TMED5: variants seen among roughly 807,000 people sequenced by gnomAD.
The protein encoded by TMED5 is transmembrane p24 trafficking protein 5.
In TMED5, 27 loss-of-function variants were observed where a neutral mutation model predicts 23.0. That is an observed-to-expected ratio of 1.17 (90% CI 0.86 to 1.62). TMED5 has a LOEUF of 1.62. Among genes scored for constraint, TMED5 ranks in the 40% most tolerant of loss-of-function variants. The pLI is 0.00. For missense variants in TMED5, 248 were observed against 273.7 expected, an observed-to-expected ratio of 0.91 and a Z score of 0.66; for synonymous variants, 97 against 100.8, an observed-to-expected ratio of 0.96 and a Z score of 0.23.
At chr1:93,175,462 A>G (rs1648881903) in intron 1 of TMED5, among the ~76,000 whole-genome samples, 1 of 149,572 alleles carries the variant, frequency 6.7e-6, no homozygotes, top group Admixed American at 6.7e-5. Flanking sequence ...TATAATAGAT[A>G]TGTGTGTGTA....
At chr1:93,178,243 A>G (rs967511091) in intron 1 of TMED5, among the ~76,000 whole-genome samples, 13 of 152,114 alleles carry the variant, frequency 8.5e-5, no homozygotes, top group South Asian at 4.1e-4. Flanking sequence ...CCTAGACTTT[A>G]TATGTCTTAA....
intron 2 of TMED5, among the ~76,000 whole-genome samples, chr1:93,158,445 A>G (rs1648150612): frequency 6.6e-6 from 1 of 152,246 alleles, no homozygotes; most frequent in African/African-American, 2.4e-5. Context: ...AGGAAGCAGT[A>G]AGATACTTAT....
intron 2 of TMED5, among the ~76,000 whole-genome samples, chr1:93,159,662 C>T (rs567743867): frequency 1.5e-5 from 2 of 133,862 alleles, no homozygotes; most frequent in African/African-American, 2.7e-5. Context: ...TTACCTAAAA[C>T]GAATGAGGTC....
At chr1:93,166,921 T>C (rs1648528381) in intron 1 of TMED5, among the ~76,000 whole-genome samples, 2 of 152,218 alleles carry the variant, frequency 1.3e-5, no homozygotes, top group Admixed American at 6.5e-5. Context: ...CTTTAATCCA[T>C]TTTAATTTGA....
rs978088239 is a variant in TMED5, at chr1:93,150,507, T to C, written c.*4163A>G. On this transcript the variant is annotated 3_prime_UTR_variant, in exon 4 of 4. Transcript: ENST00000370282. ...AGTTATATGTTAAATGTATGTTTAG[T>C]TTTATAAGAAACTGCCAAGAATATT... The C allele has an allele frequency of 2.0e-5, 3 of 152,228 alleles. No homozygotes were observed. The highest frequency in any genetic ancestry group is 7.2e-5 in the African/African-American group (3 of 41,456). The allele number at this position is 152,228 out of a possible 1,614,324, so 9.4% of individuals were successfully genotyped here. A position where few individuals can be genotyped will look rare whatever the true frequency, so the allele number is the denominator to read the frequency against.
In TMED5 at chr1:93,154,418, C is replaced by A; in HGVS notation, c.*252G>T. 2.3e-6 allele frequency: 1 copy of A among 440,512 alleles called. No individual in the cohort carries two copies. The highest frequency in any genetic ancestry group is 3.7e-5 in the South Asian group (1 of 26,922). The allele number at this position is 440,512 out of a possible 1,614,324, so 27.3% of individuals were successfully genotyped here. A position where few individuals can be genotyped will look rare whatever the true frequency, so the allele number is the denominator to read the frequency against. ...AAAATTTTTCAAAGTTAGGAAAATGCAGTTATTAATATGGCTTCATTCAGT... is the reference window on the plus strand; with the variant it reads ...AAAATTTTTCAAAGTTAGGAAAATGAAGTTATTAATATGGCTTCATTCAGT... On this transcript the variant is annotated 3_prime_UTR_variant, in exon 4 of 4. Transcript: ENST00000370282.
At chr1:93,161,711 T>TG (rs766119874) in intron 1 of TMED5, 7 of 152,214 alleles carry the variant, frequency 4.6e-5, no homozygotes, top group Non-Finnish European at 8.8e-5. Context: ...TTGGCACTTA[T>TG]GAGACGTTCT....
At chr1:93,168,279 A>G (rs956612994) in intron 1 of TMED5, among the ~76,000 whole-genome samples, 4 of 152,234 alleles carry the variant, frequency 2.6e-5, no homozygotes, top group African/African-American at 9.6e-5. Context: ...AAACATGGCA[A>G]TATTAATCCA....
chr1:93,161,598 TCC>T (rs1648278257), intron 1 of TMED5: 1 of 152,230 alleles, frequency 6.6e-6, no homozygotes, highest in Non-Finnish European at 1.5e-5. Context: ...AATTGCAACC[TCC>T]TGCATAAATG....
At chr1:93,167,286 C>G (rs1029931105) in intron 1 of TMED5, among the ~76,000 whole-genome samples, 6 of 152,048 alleles carry the variant, frequency 3.9e-5, no homozygotes, top group Admixed American at 2.0e-4. Context: ...ATTGTTTTTT[C>G]TATTTCTGGG....
chr1:93,170,231 C>T (rs921009823), intron 1 of TMED5, among the ~76,000 whole-genome samples: 16 of 152,206 alleles, frequency 1.1e-4, no homozygotes, highest in African/African-American at 2.2e-4. Context: ...TGGCCAAGGC[C>T]GCAGCCGGCT....
At chr1:93,161,039 T>C (rs2101135349) in intron 1 of TMED5, 1 of 152,340 alleles carries the variant, frequency 6.6e-6, no homozygotes, top group Admixed American at 6.5e-5. Flanking sequence ...GCCGGTTCAT[T>C]TACTAGCCAA....
At chr1:93,172,458 A>G (rs757116188) in intron 1 of TMED5, among the ~76,000 whole-genome samples, 5 of 152,164 alleles carry the variant, frequency 3.3e-5, no homozygotes, top group South Asian at 2.1e-4. Context: ...CATTTACGTT[A>G]GCACTAAAAG....
chr1:93,175,687 G>C (rs1156850249), intron 1 of TMED5, among the ~76,000 whole-genome samples: 1 of 151,768 alleles, frequency 6.6e-6, no homozygotes, highest in African/African-American at 2.4e-5. Context: ...TTGAAATTTG[G>C]CTCTATACAA....
intron 1 of TMED5, among the ~76,000 whole-genome samples, chr1:93,171,548 G>C (rs1009430779): frequency 5.9e-5 from 9 of 152,306 alleles, no homozygotes; most frequent in African/African-American, 2.2e-4. Context: ...ATCTGTTACA[G>C]AAATTATACT....
Position 93,180,107 on chromosome 1 carries a change from CCTT to C in TMED5, c.133_135del (p.Lys45del), listed in dbSNP as rs770335155. ...AGGGGCATGGGCTGGTAGAAGCACT[CCTT>C]CTGGCCGGCGGGAAGGGTAAAGGTG... On this transcript the variant is annotated inframe_deletion, in exon 1 of 4. Transcript: ENST00000370282. 60 of 1,613,804 alleles carry C rather than the reference CCTT, an allele frequency of 3.7e-5. 1 individual carries two copies. In the Middle Eastern group the frequency reaches 6.6e-4, roughly 18 times the overall value.
At position 93,169,882 on chromosome 1, in the gene TMED5, TACACACACACACAC is replaced by T. The variant is rs59467244; in HGVS notation, c.190-9670_190-9657del. Among the ~76,000 whole-genome samples, 81 of 130,602 alleles carry T rather than the reference TACACACACACACAC, an allele frequency of 6.2e-4. No individual in the cohort carries two copies. In the East Asian group the frequency reaches 7.8e-3, roughly 13 times the overall value. The allele number at this position is 130,602 out of a possible 152,430, so 85.7% of individuals were successfully genotyped here. A position where few individuals can be genotyped will look rare whatever the true frequency, so the allele number is the denominator to read the frequency against. ...AGGCAGCAAAGTGAGACCCTGTCTG[TACACACACACACAC>T]ACACACACACACACACACACACAAA... On this transcript the variant is annotated intron_variant, in intron 1 of 3. Coordinates refer to ENST00000370282, the MANE Select transcript of TMED5 (RefSeq NM_016040.5).
chr1:93,152,133 T>C lies in TMED5; in HGVS notation c.*2537A>G, dbSNP rs747353159. ...ACCATAAAATTACAAACACCCTCCATGTCTTGACATTCACATGAAAGAACA... is the reference window on the plus strand; with the variant it reads ...ACCATAAAATTACAAACACCCTCCACGTCTTGACATTCACATGAAAGAACA... On this transcript the variant is annotated 3_prime_UTR_variant, in exon 4 of 4. Coordinates refer to ENST00000370282, the MANE Select transcript of TMED5 (RefSeq NM_016040.5). 2 of 152,614 alleles carry C rather than the reference T, an allele frequency of 1.3e-5. No individual in the cohort carries two copies. The highest frequency in any genetic ancestry group is 2.9e-5 in the Non-Finnish European group (2 of 68,010). 9.5% of individuals were successfully genotyped at this position (152,614 alleles called of 1,614,324 possible). A position where few individuals can be genotyped will look rare whatever the true frequency, so the allele number is the denominator to read the frequency against.
At chr1:93,179,940 G>A (rs1649235193) in intron 1 of TMED5, 114 bp downstream of exon 1, 1 of 1,193,268 alleles carries the variant, frequency 8.4e-7, no homozygotes, top group African/African-American at 1.6e-5. Context: ...TTCCTGAACG[G>A]CCCTCGCCTC....
Sources: allele counts gnomAD v4.1 joint callset (sites outside exome capture counted in the v4.1 genomes callset), GRCh38; gene constraint gnomAD v4.1.1; transcripts MANE v1.5; gene names NCBI Gene and HGNC (gene_info 2026-07-23, HGNC 2026-07-21).